DOCK3: variants seen among roughly 807,000 people sequenced by gnomAD.
DOCK3 encodes dedicator of cytokinesis protein 3.
Under a neutral mutation model 265.6 loss-of-function variants are expected in DOCK3, and 60 were observed. The observed-to-expected ratio is 0.23, with a 90% CI of 0.18 to 0.28. DOCK3 has a LOEUF of 0.28. Ranked by LOEUF, DOCK3 falls within the 10% of genes least tolerant of loss-of-function variation. The pLI, the probability that DOCK3 is intolerant of heterozygous loss-of-function variation, is 1.00. For synonymous variants in DOCK3, 881 were observed against 938.0 expected, an observed-to-expected ratio of 0.94 and a Z score of 1.11; for missense variants, 1,981 against 2,594.3, an observed-to-expected ratio of 0.76 and a Z score of 5.14.
chr3:51,169,874 A>G (rs2086590801), intron 12 of DOCK3, among the ~76,000 whole-genome samples: 1 of 152,150 alleles, frequency 6.6e-6, no homozygotes, highest in African/African-American at 2.4e-5. Flanking sequence ...TGATTGTGGT[A>G]TATGATCCTT....
intron 11 of DOCK3, among the ~76,000 whole-genome samples, 193 bp downstream of exon 11, chr3:51,159,497 G>T (rs545614920): frequency 6.6e-6 from 1 of 152,092 alleles, no homozygotes; most frequent in Non-Finnish European, 1.5e-5. Flanking sequence ...ATGGATTCGG[G>T]GGGGTGGGTT....
At chr3:51,176,716 G>A (rs2086977984) in intron 12 of DOCK3, among the ~76,000 whole-genome samples, 1 of 152,172 alleles carries the variant, frequency 6.6e-6, no homozygotes, top group Non-Finnish European at 1.5e-5. Flanking sequence ...TGTTAAGTCA[G>A]CTTTGTTAGC....
chr3:50,847,918 T>C (rs2046167247), intron 3 of DOCK3, among the ~76,000 whole-genome samples: 1 of 148,038 alleles, frequency 6.8e-6, no homozygotes, highest in Admixed American at 6.7e-5. Flanking sequence ...CCACAGTTAT[T>C]GTGAGGTTGT....
Position 51,277,704 on chromosome 3 carries a change from CAGG to C in DOCK3, c.2777_2779del (p.Glu926del). On this transcript the variant is annotated inframe_deletion, in exon 26 of 53. Transcript: ENST00000266037. Reference sequence around the variant, plus strand: ...CACCATCATGAGCAAATCGCACGCTCAGGAGGCGGTAAGAGGGCAGCGGTGCCC... The same window carrying C: ...CACCATCATGAGCAAATCGCACGCTCAGGCGGTAAGAGGGCAGCGGTGCCC... 1 of 1,611,612 alleles carries C rather than the reference CAGG, an allele frequency of 6.2e-7. No homozygotes were observed. Among genetic ancestry groups the C allele is most frequent in the African/African-American group, 1.3e-5 (1 of 74,986 alleles).
At chr3:51,134,572 A>T (rs2084708973) in intron 9 of DOCK3, among the ~76,000 whole-genome samples, 1 of 152,148 alleles carries the variant, frequency 6.6e-6, no homozygotes, top group Non-Finnish European at 1.5e-5. Context: ...GAAGAGCTGG[A>T]ATGGGTACAT....
chr3:50,803,799 C>T (rs1404102000), intron 2 of DOCK3, among the ~76,000 whole-genome samples: 3 of 151,764 alleles, frequency 2.0e-5, no homozygotes, highest in African/African-American at 7.3e-5. Flanking sequence ...GGGCTGCCCC[C>T]CACCTCCCTC....
chr3:51,328,569 C>T (rs545218181), intron 32 of DOCK3, among the ~76,000 whole-genome samples: 3 of 150,672 alleles, frequency 2.0e-5, no homozygotes, highest in Non-Finnish European at 4.4e-5. Context: ...AAGCAACTCA[C>T]TCATCCCTGC....
chr3:51,114,620 G>A (rs1300514219), intron 9 of DOCK3, among the ~76,000 whole-genome samples: 1 of 152,186 alleles, frequency 6.6e-6, no homozygotes, highest in Non-Finnish European at 1.5e-5. Context: ...AATGGACAGG[G>A]TTAGGGAAGG....
chr3:51,162,493 T>C (rs2086187998), intron 12 of DOCK3, among the ~76,000 whole-genome samples: 1 of 152,200 alleles, frequency 6.6e-6, no homozygotes, highest in Non-Finnish European at 1.5e-5. Context: ...CCCAAATTGA[T>C]GGGTGGTGGA....
intron 14 of DOCK3, 84 bp from the exon 15 acceptor site, chr3:51,225,565 A>T: frequency 6.6e-7 from 1 of 1,512,812 alleles, no homozygotes; most frequent in Non-Finnish European, 8.8e-7. Flanking sequence ...GCCCCAGAAG[A>T]TCCAAATGCT....
Position 51,116,374 on chromosome 3 carries a change from C to A in DOCK3, c.746+25990C>A, listed in dbSNP as rs112140122. On this transcript the variant is annotated intron_variant, in intron 9 of 52. Coordinates refer to ENST00000266037, the MANE Select transcript of DOCK3 (RefSeq NM_004947.5). The stretch of plus-strand genomic sequence containing the variant: ...GCTGAGGCAGGAGAATGGTGTGAAC[C>A]CGGGAGGTGGAGCTTGCAGTGAGCT... 4.9e-5 allele frequency among the ~76,000 whole-genome samples: 7 copies of A among 142,846 alleles called. 2 individuals carry two copies. The highest frequency in any genetic ancestry group is 1.9e-4 in the African/African-American group (7 of 37,746). The allele number at this position is 142,846 out of a possible 152,430, so 93.7% of individuals were successfully genotyped here.
chr3:50,955,519 T>G (rs945411460), intron 5 of DOCK3, among the ~76,000 whole-genome samples: 3 of 152,060 alleles, frequency 2.0e-5, no homozygotes, highest in Non-Finnish European at 4.4e-5. Context: ...AAGAATGAGG[T>G]CTTGTCTTTT....
At chr3:51,037,830 T>G (rs2080328613) in intron 5 of DOCK3, among the ~76,000 whole-genome samples, 1 of 152,160 alleles carries the variant, frequency 6.6e-6, no homozygotes. Context: ...TTCATTACAG[T>G]AAACGCAGCT....
chr3:50,826,654 T>C (rs2044773240), intron 2 of DOCK3, among the ~76,000 whole-genome samples: 1 of 152,152 alleles, frequency 6.6e-6, no homozygotes, highest in African/African-American at 2.4e-5. Context: ...TTACCATTAA[T>C]ATCCTCTGAG....
intron 6 of DOCK3, among the ~76,000 whole-genome samples, chr3:51,066,462 T>C (rs1045227534): frequency 6.6e-6 from 1 of 152,212 alleles, no homozygotes; most frequent in Non-Finnish European, 1.5e-5. Context: ...AAAAGTGTTA[T>C]CATTAGCACT....
In DOCK3 at chr3:51,310,299, G is replaced by A; in HGVS notation, c.2990G>A (p.Trp997Ter). 1.2e-6 allele frequency: 2 copies of A among 1,602,976 alleles called. No individual in the cohort carries two copies. Among genetic ancestry groups the A allele is most frequent in the Non-Finnish European group, 1.7e-6 (2 of 1,174,766 alleles). Residue 997 changes from tryptophan (W) to a stop codon, truncating the protein, a stop_gained, in exon 28 of 53, where the codon TGG becomes TAG. Coordinates refer to ENST00000266037, the MANE Select transcript of DOCK3 (RefSeq NM_004947.5). LOFTEE classifies it high-confidence loss of function. ...LMKMSVFPRD[W>*]MVMRLLTSNI... is the part of the protein sequence containing the mutation. ...AAGATGAGTGTCTTCCCTCGGGACT[G>A]GATGGTAATGAGACTGCTCACAAGC...
chr3:50,902,101 G>C (rs1006688656), intron 4 of DOCK3, among the ~76,000 whole-genome samples: 1 of 151,948 alleles, frequency 6.6e-6, no homozygotes, highest in Non-Finnish European at 1.5e-5. Flanking sequence ...ATTTGTTTAA[G>C]TTCCTTGTAG....
intron 27 of DOCK3, among the ~76,000 whole-genome samples, chr3:51,281,146 G>A (rs181459881): frequency 4.0e-5 from 6 of 151,780 alleles, no homozygotes; most frequent in South Asian, 2.1e-4. Flanking sequence ...AGACTGTCCT[G>A]GGATTATATT....
At chr3:51,306,518 C>A (rs899666201) in intron 27 of DOCK3, among the ~76,000 whole-genome samples, 1 of 152,174 alleles carries the variant, frequency 6.6e-6, no homozygotes, top group East Asian at 1.9e-4. Context: ...TTCCTTCTGG[C>A]ACTACCACTG....
Sources: gnomAD v4.1 joint callset for allele counts (sites outside exome capture counted in the v4.1 genomes callset) on GRCh38, gnomAD v4.1.1 for gene constraint, MANE v1.5 for transcripts, NCBI Gene and HGNC (gene_info 2026-07-23, HGNC 2026-07-21) for gene names.